The following PIP5K1B variants were observed in gnomAD, a reference collection of about 807,000 sequenced individuals.
PIP5K1B encodes phosphatidylinositol 4-phosphate 5-kinase type-1 beta.
Under a neutral mutation model 67.0 loss-of-function variants are expected in PIP5K1B, and 42 were observed. The observed-to-expected ratio is 0.63, with a 90% CI of 0.49 to 0.81. The LOEUF is 0.81. PIP5K1B is among the 30% of genes least tolerant of loss of function. The pLI is 0.00. For missense variants in PIP5K1B, 459 were observed against 646.3 expected (o/e 0.71, Z 3.14); for synonymous variants, 214 against 231.4 (o/e 0.92, Z 0.68).
intron 4 of PIP5K1B, among the ~76,000 whole-genome samples, chr9:68,830,690 C>CA (rs992389625): frequency 9.2e-5 from 14 of 152,136 alleles, no homozygotes; most frequent in African/African-American, 1.9e-4. Context: ...CCTTCACTGG[C>CA]AAAAAAACCC....
At chr9:68,937,862 C>T (rs1028542925) in intron 13 of PIP5K1B, among the ~76,000 whole-genome samples, 11 of 152,232 alleles carry the variant, frequency 7.2e-5, no homozygotes, top group Middle Eastern at 3.4e-3. Context: ...GTTATTTACC[C>T]GGTAGTCATT....
At chr9:68,905,147 C>T (rs1429422466) in intron 8 of PIP5K1B, among the ~76,000 whole-genome samples, 1 of 151,790 alleles carries the variant, frequency 6.6e-6, no homozygotes, top group African/African-American at 2.4e-5. Context: ...ATATAGGCCC[C>T]AAGCGGAAAG....
At chr9:68,976,643 C>T (rs975810468) in intron 14 of PIP5K1B, among the ~76,000 whole-genome samples, 9 of 152,144 alleles carry the variant, frequency 5.9e-5, no homozygotes, top group African/African-American at 1.4e-4. Flanking sequence ...ATGGATTGGA[C>T]GGCAGAGTAG....
At chr9:68,973,362 A>G (rs145376307) in intron 14 of PIP5K1B, among the ~76,000 whole-genome samples, 135 of 152,374 alleles carry the variant, frequency 8.9e-4, no homozygotes, top group African/African-American at 3.1e-3. Context: ...AGTAATAGCC[A>G]TTAAGAAATT....
chr9:68,717,147 T>G (rs1827672469), intron 1 of PIP5K1B, among the ~76,000 whole-genome samples: 1 of 152,166 alleles, frequency 6.6e-6, no homozygotes, highest in Non-Finnish European at 1.5e-5. Context: ...GTTCACTACT[T>G]GGGTGATGGG....
At chr9:68,963,442 G>A (rs895426262) in intron 14 of PIP5K1B, 7 of 277,458 alleles carry the variant, frequency 2.5e-5, no homozygotes, top group Non-Finnish European at 3.6e-5. Context: ...GGTGGAGGTT[G>A]CAGTGAGCTG....
intron 5 of PIP5K1B, among the ~76,000 whole-genome samples, chr9:68,866,206 G>C (rs1053050472): frequency 6.6e-6 from 1 of 151,764 alleles, no homozygotes; most frequent in Non-Finnish European, 1.5e-5. Flanking sequence ...TGAGGCAGGA[G>C]AATCTCTGGA....
chr9:68,822,445 C>G lies in PIP5K1B; in HGVS notation c.1-170C>G, dbSNP rs138283464. 1.4e-3 allele frequency: 702 copies of G among 507,768 alleles called. 2 individuals carry two copies. Among genetic ancestry groups the G allele is most frequent in the Admixed American group, 2.6e-3 (69 of 26,344 alleles). 31.5% of individuals were successfully genotyped at this position (507,768 alleles called of 1,614,324 possible). On this transcript the variant is annotated intron_variant, in intron 3 of 15. Coordinates refer to ENST00000265382, the MANE Select transcript of PIP5K1B (RefSeq NM_003558.4). ...TTTATTTTTGAAAGATTAAGGAATG[C>G]AGATTTCTTTTTTAGTATTCTGAAA... is the stretch of plus-strand genomic sequence containing the variant.
chr9:68,832,318 T>C (rs1834365773), intron 4 of PIP5K1B, among the ~76,000 whole-genome samples: 1 of 152,368 alleles, frequency 6.6e-6, no homozygotes. Context: ...CTGGCAGTTC[T>C]GTAGACTGTC....
At chr9:68,917,812 C>A in intron 9 of PIP5K1B, 53 bp downstream of exon 9, 1 of 1,303,852 alleles carries the variant, frequency 7.7e-7, no homozygotes, top group East Asian at 2.3e-5. Context: ...GCCCACGTCA[C>A]TGGGTAATTA....
At chr9:68,893,592 A>G (rs1398960021) in intron 7 of PIP5K1B, among the ~76,000 whole-genome samples, 1 of 152,088 alleles carries the variant, frequency 6.6e-6, no homozygotes, top group Non-Finnish European at 1.5e-5. Context: ...TTGGCCTCCC[A>G]AAGTGCTGGG....
chr9:68,762,137 G>T (rs987773887), intron 2 of PIP5K1B, among the ~76,000 whole-genome samples: 1 of 152,008 alleles, frequency 6.6e-6, no homozygotes, highest in Non-Finnish European at 1.5e-5. Flanking sequence ...TCTTAAAGCT[G>T]GTTATGTGTA....
intron 14 of PIP5K1B, among the ~76,000 whole-genome samples, chr9:68,951,222 G>A (rs766281674): frequency 2.0e-5 from 3 of 152,162 alleles, no homozygotes; most frequent in Non-Finnish European, 4.4e-5. Flanking sequence ...TTAGTGTGTG[G>A]AAGGTCACAA....
intron 7 of PIP5K1B, among the ~76,000 whole-genome samples, chr9:68,893,536 G>A (rs1422445548): frequency 6.6e-6 from 1 of 151,982 alleles, no homozygotes; most frequent in Non-Finnish European, 1.5e-5. Context: ...GTTTCACCAT[G>A]CTAGCCAGGC....
chr9:68,737,274 C>T (rs1828784274), intron 1 of PIP5K1B, among the ~76,000 whole-genome samples: 1 of 152,106 alleles, frequency 6.6e-6, no homozygotes, highest in Admixed American at 6.6e-5. Context: ...TAGGTTGAAC[C>T]TTTTTGGAGT....
At chr9:68,775,081 T>C (rs1381140207) in intron 2 of PIP5K1B, among the ~76,000 whole-genome samples, 1 of 152,078 alleles carries the variant, frequency 6.6e-6, no homozygotes, top group East Asian at 1.9e-4. Flanking sequence ...AGGGGATCCC[T>C]TGCTGAAATC....
intron 8 of PIP5K1B, among the ~76,000 whole-genome samples, chr9:68,916,506 A>T (rs1826099695): frequency 6.6e-6 from 1 of 152,156 alleles, no homozygotes; most frequent in South Asian, 2.1e-4. Flanking sequence ...ATAATTAAAC[A>T]TGAAGTACTA....
intron 14 of PIP5K1B, among the ~76,000 whole-genome samples, chr9:68,963,704 T>A (rs1828872375): frequency 6.6e-6 from 1 of 152,136 alleles, no homozygotes; most frequent in Non-Finnish European, 1.5e-5. Context: ...ACCTTTACAA[T>A]GGTAGTGGGG....
At chr9:68,915,302 T>C (rs1486569984) in intron 8 of PIP5K1B, among the ~76,000 whole-genome samples, 2 of 151,960 alleles carry the variant, frequency 1.3e-5, no homozygotes, top group African/African-American at 4.8e-5. Context: ...TGGTCATTCA[T>C]TGTGAAGAGT....
Sources: gnomAD v4.1 joint callset for allele counts (sites outside exome capture counted in the v4.1 genomes callset) on GRCh38, gnomAD v4.1.1 for gene constraint, MANE v1.5 for transcripts, NCBI Gene and HGNC (gene_info 2026-07-23, HGNC 2026-07-21) for gene names.